The following CSMD2 variants were observed in gnomAD, a reference collection of about 807,000 sequenced individuals.
CSMD2 encodes CUB and sushi domain-containing protein 2.
A neutral mutation model predicts 398.5 loss-of-function variants in CSMD2; 130 were observed. The ratio of observed to expected loss-of-function variants is 0.33; its 90% CI spans 0.28 to 0.38. The LOEUF is 0.38. CSMD2 is among the 10% of genes least tolerant of loss of function. The pLI, the probability that CSMD2 is intolerant of heterozygous loss-of-function variation, is 1.00. For missense variants in CSMD2, 3,829 were observed against 4,764.9 expected (o/e 0.80, Z 5.78); for synonymous variants, 1,828 against 1,908.5 (o/e 0.96, Z 1.10).
chr1:33,725,527 G>T lies in CSMD2; in HGVS notation c.2517C>A (p.Thr839=). Residue 839 remains threonine, a synonymous_variant, in exon 17 of 71, where the codon ACC becomes ACA. Transcript: ENST00000373381. ...CTTCCAGGGTGTCATAGTTGACCTC[G>T]GTTTTGAATCTGCCAAATGACAGAA... is the stretch of plus-strand genomic sequence containing the variant. ...PIKITFDRFK[T]EVNYDTLEVR... 1 of 1,614,096 alleles carries T rather than the reference G, an allele frequency of 6.2e-7. No homozygotes were observed. Among genetic ancestry groups the T allele is most frequent in the Non-Finnish European group, 8.5e-7 (1 of 1,179,968 alleles).
chr1:33,613,766 C>A (rs16835675), intron 40 of CSMD2, among the ~76,000 whole-genome samples: 2 of 152,132 alleles, frequency 1.3e-5, no homozygotes, highest in African/African-American at 4.8e-5. Flanking sequence ...CCCGTGCGTA[C>A]GGCCCATCAG....
intron 32 of CSMD2, among the ~76,000 whole-genome samples, chr1:33,629,606 C>G (rs1402531862): frequency 6.6e-6 from 1 of 152,098 alleles, no homozygotes. Flanking sequence ...AGTAGCGGTC[C>G]TTAAGCTTTT....
intron 57 of CSMD2, among the ~76,000 whole-genome samples, chr1:33,543,537 T>A (rs1371855525): frequency 6.6e-6 from 1 of 152,260 alleles, no homozygotes; most frequent in Non-Finnish European, 1.5e-5. Context: ...AAAGAATGTC[T>A]GGGTGTTTTC....
chr1:33,595,885 C>G lies in CSMD2; in HGVS notation c.6856+4980G>C, dbSNP rs78980118. Among the ~76,000 whole-genome samples the G allele has an allele frequency of 4.5e-4, 68 of 152,314 alleles. No individual in the cohort carries two copies. In the East Asian group the frequency reaches 0.013, roughly 28 times the overall value. ...GCTCATTACTATTGAAGAATCACTG[C>G]TCTGAAGCCTTCTCAGTAGAAAGAG... On this transcript the variant is annotated intron_variant, in intron 44 of 70. Coordinates refer to ENST00000373381, the MANE Select transcript of CSMD2 (RefSeq NM_001281956.2).
intron 55 of CSMD2, among the ~76,000 whole-genome samples, chr1:33,556,179 G>T (rs1657954136): frequency 6.6e-6 from 1 of 152,176 alleles, no homozygotes. Flanking sequence ...GATAAAAGCT[G>T]CATTTTACTA....
At chr1:33,974,691 A>G (rs1362208090) in intron 3 of CSMD2, among the ~76,000 whole-genome samples, 1 of 152,208 alleles carries the variant, frequency 6.6e-6, no homozygotes, top group East Asian at 1.9e-4. Flanking sequence ...AGGGCTCGAC[A>G]CAAAGCACAC....
Position 34,008,787 on chromosome 1 carries a change from G to A in CSMD2, c.517+23807C>T, listed in dbSNP as rs1647145470. On this transcript the variant is annotated intron_variant, in intron 3 of 70. Transcript: ENST00000373381. ...TCCCCTACTAGGCTGTAAGTTCCATGAGGACAGGGTGTGTGTTGTTCATGA... is the reference window on the plus strand; with the variant it reads ...TCCCCTACTAGGCTGTAAGTTCCATAAGGACAGGGTGTGTGTTGTTCATGA... 2.6e-5 allele frequency among the ~76,000 whole-genome samples: 4 copies of A among 152,334 alleles called. No individual in the cohort carries two copies. The South Asian group carries it at 8.3e-4, about 32-fold the overall frequency.
At chr1:33,677,963 TG>T (rs1438446746) in intron 25 of CSMD2, among the ~76,000 whole-genome samples, 2 of 50,228 alleles carry the variant, frequency 4.0e-5, no homozygotes, top group African/African-American at 8.7e-5. Context: ...TATTGTGGGG[TG>T]GGGGGAGGGG....
chr1:34,117,762 G>A (rs1036298319), intron 1 of CSMD2, among the ~76,000 whole-genome samples: 1 of 152,120 alleles, frequency 6.6e-6, no homozygotes, highest in African/African-American at 2.4e-5. Flanking sequence ...ATATTAAAAG[G>A]ATTGTACAGC....
At chr1:33,682,432 T>C (rs967417074) in intron 25 of CSMD2, among the ~76,000 whole-genome samples, 2 of 152,218 alleles carry the variant, frequency 1.3e-5, no homozygotes, top group African/African-American at 4.8e-5. Context: ...TGTAAGTTCC[T>C]CAGGAAGCCG....
At chr1:33,706,793 TGTGTGTGCGCGTGCATGTGTTTGTGC>T (rs1161164185) in intron 22 of CSMD2, among the ~76,000 whole-genome samples, 1 of 151,668 alleles carries the variant, frequency 6.6e-6, no homozygotes, top group Non-Finnish European at 1.5e-5. Flanking sequence ...TGTACGTGTG[TGTGTGTGCGCGTGCATGTGTTTGTGC>T]GTGCGTGTGT....
intron 13 of CSMD2, among the ~76,000 whole-genome samples, chr1:33,748,464 G>A (rs35450398): frequency 0.058 from 8,750 of 152,162 alleles, 346 homozygotes; most frequent in Admixed American, 0.11. Context: ...ATAAAGGTGG[G>A]AAACTTATTA....
intron 1 of CSMD2, among the ~76,000 whole-genome samples, chr1:34,122,246 G>C (rs755431569): frequency 6.6e-6 from 1 of 152,122 alleles, no homozygotes; most frequent in Non-Finnish European, 1.5e-5. Context: ...CAGTGCTCCA[G>C]AACAGTGTCC....
At chr1:34,067,929 T>C (rs1284473245) in intron 2 of CSMD2, among the ~76,000 whole-genome samples, 1 of 152,124 alleles carries the variant, frequency 6.6e-6, no homozygotes, top group African/African-American at 2.4e-5. Flanking sequence ...GGGAGGCACA[T>C]CCCCAGGTAA....
At chr1:33,529,412 T>A (rs1208292003) in intron 64 of CSMD2, among the ~76,000 whole-genome samples, 1 of 152,178 alleles carries the variant, frequency 6.6e-6, no homozygotes. Flanking sequence ...TAATCAGGGC[T>A]GGGTGGTAAT....
chr1:33,960,440 T>C (rs1036702592), intron 3 of CSMD2, among the ~76,000 whole-genome samples: 2 of 152,220 alleles, frequency 1.3e-5, no homozygotes, highest in African/African-American at 4.8e-5. Flanking sequence ...CTGGAAGCAG[T>C]TTCTTCCTAA....
intron 6 of CSMD2, among the ~76,000 whole-genome samples, chr1:33,833,548 C>T (rs1422069207): frequency 6.9e-6 from 1 of 145,308 alleles, no homozygotes; most frequent in Non-Finnish European, 1.5e-5. Context: ...CAATATCATA[C>T]TGAATGGGCA....
At chr1:33,809,942 T>C (rs1369643321) in intron 10 of CSMD2, among the ~76,000 whole-genome samples, 1 of 152,034 alleles carries the variant, frequency 6.6e-6, no homozygotes, top group Non-Finnish European at 1.5e-5. Flanking sequence ...TAGGAGTAAA[T>C]ATATTAAGAA....
chr1:34,056,245 C>G (rs1332551064), intron 2 of CSMD2, among the ~76,000 whole-genome samples: 1 of 152,170 alleles, frequency 6.6e-6, no homozygotes, highest in Non-Finnish European at 1.5e-5. Context: ...TTCCCTGATT[C>G]CTGGTGCTCT....
Sources: allele counts gnomAD v4.1 joint callset (sites outside exome capture counted in the v4.1 genomes callset), GRCh38; gene constraint gnomAD v4.1.1; transcripts MANE v1.5; gene names NCBI Gene and HGNC (gene_info 2026-07-23, HGNC 2026-07-21).